FAM120B: variants seen among roughly 807,000 people sequenced by gnomAD.
FAM120B encodes the protein constitutive coactivator of peroxisome proliferator-activated receptor gamma.
A neutral mutation model predicts 96.3 loss-of-function variants in FAM120B; 83 were observed. The ratio of observed to expected loss-of-function variants is 0.86; its 90% CI spans 0.72 to 1.03. The LOEUF (loss-of-function observed/expected upper bound fraction) is 1.03, where lower values mean the gene tolerates loss of function less well. Among genes scored for constraint, FAM120B ranks in the 50% least tolerant of loss-of-function variants. The pLI is 0.00. For synonymous variants in FAM120B, 407 were observed against 402.7 expected, an observed-to-expected ratio of 1.01 and a Z score of -0.13; for missense variants, 1,027 against 1,121.2, an observed-to-expected ratio of 0.92 and a Z score of 1.20.
At chr6:170,304,534 A>G (rs1010858849), upstream of FAM120B, among the ~76,000 whole-genome samples, 2 of 151,600 alleles carry the variant, frequency 1.3e-5, no homozygotes, top group African/African-American at 4.8e-5. Context: ...TTCACATGTC[A>G]CATTTGTGTT....
chr6:170,348,276 A>G lies in FAM120B; in HGVS notation c.2143A>G (p.Ser715Gly), dbSNP rs777538703. The change falls in exon 5 of 11, where the codon AGC (serine) becomes GGC (glycine). Residue 715 changes from serine to glycine, a missense_variant. Physicochemically the swap from Ser to Gly is moderately conservative, Grantham distance 56 (BLOSUM62 0). Transcript: ENST00000476287. ...AAGAGAAGAGCTGCAGGCTGTCGAA[A>G]GCCCATTTCAAGCTTTGTGCTGCCT... ...SSREELQAVE[S>G]PFQALCCLLI... 7 of 1,613,840 alleles carry G rather than the reference A, an allele frequency of 4.3e-6. No homozygotes were observed. Among genetic ancestry groups the G allele is most frequent in the Middle Eastern group, 1.7e-4 (1 of 5,912 alleles).
In FAM120B at chr6:170,370,037, A is replaced by C. The variant is rs138274023; in HGVS notation, c.2283+11719A>C. 2.0e-5 allele frequency among the ~76,000 whole-genome samples: 3 copies of C among 152,340 alleles called. No individual in the cohort carries two copies. In the East Asian group the frequency reaches 5.8e-4, roughly 29 times the overall value. ...AGGATGTAATTTCAATTTTACAAAA[A>C]ATGTACCTTTTTTGAATATAGCAAT... On this transcript the variant is annotated intron_variant, in intron 6 of 10. Transcript: ENST00000476287. This position sits in a 1 kb window ranked among gnomAD's most constrained non-coding sequence, Gnocchi z 4.3.
In FAM120B at chr6:170,391,130, G is replaced by A. The variant is rs545152554; in HGVS notation, c.2599+9G>A. The A allele has an allele frequency of 5.1e-5, 82 of 1,599,490 alleles. No individual in the cohort carries two copies. Among genetic ancestry groups the A allele is most frequent in the Middle Eastern group, 5.0e-4 (3 of 6,026 alleles). On this transcript the variant is annotated intron_variant, in intron 8 of 10. Coordinates refer to ENST00000476287, the MANE Select transcript of FAM120B (RefSeq NM_032448.3). Reference sequence around the variant, plus strand: ...GGGCTCACACCACGCAGGTGGGAAAGGGCCAGGTGCCTCTAGAAGCCCCAC... The same window carrying A: ...GGGCTCACACCACGCAGGTGGGAAAAGGCCAGGTGCCTCTAGAAGCCCCAC...
At chr6:170,306,374 C>T (rs1204133851), upstream of FAM120B, among the ~76,000 whole-genome samples, 1 of 152,186 alleles carries the variant, frequency 6.6e-6, no homozygotes, top group Non-Finnish European at 1.5e-5. Flanking sequence ...GCTCGCACAA[C>T]TTCGGCCTGA....
At chr6:170,344,249 G>C (rs1187396300) in intron 4 of FAM120B, among the ~76,000 whole-genome samples, 1 of 94,910 alleles carries the variant, frequency 1.1e-5, no homozygotes, top group East Asian at 3.3e-4. Context: ...CCCCACCTTG[G>C]AAGAACGGAT....
At position 170,399,097 on chromosome 6, in the gene FAM120B, G is replaced by A. The variant is rs77022753; in HGVS notation, c.2692+3518G>A. ...GTCATAACTCTTAGGAGTGAGTGGG[G>A]AAGGTAGAACTATGTCATAACTCTT... is the stretch of plus-strand genomic sequence containing the variant. On this transcript the variant is annotated intron_variant, in intron 9 of 10. Transcript: ENST00000476287. Among the ~76,000 whole-genome samples, 262 of 132,292 alleles carry A rather than the reference G, an allele frequency of 2.0e-3. No individual in the cohort carries two copies. The East Asian group carries it at 0.075, about 38-fold the overall frequency. The allele number at this position is 132,292 out of a possible 152,430, so 86.8% of individuals were successfully genotyped here.
intron 4 of FAM120B, among the ~76,000 whole-genome samples, chr6:170,346,717 T>G (rs1356342622): frequency 6.8e-6 from 1 of 147,446 alleles, no homozygotes; most frequent in East Asian, 2.0e-4. Context: ...TTTACTTTGG[T>G]TTTTTTTTTT....
intron 9 of FAM120B, among the ~76,000 whole-genome samples, chr6:170,397,410 G>A (rs1334340320): frequency 6.6e-6 from 1 of 152,170 alleles, no homozygotes. Context: ...GATGCCAGAT[G>A]CCTGTGGGCC....
At chr6:170,349,979 A>C (rs1271407886) in intron 5 of FAM120B, among the ~76,000 whole-genome samples, 1 of 152,080 alleles carries the variant, frequency 6.6e-6, no homozygotes, top group Non-Finnish European at 1.5e-5. Context: ...CTGGGAAACC[A>C]TGCTTCTCCC....
In FAM120B at chr6:170,360,712, C is replaced by T. The variant is rs1562565951; in HGVS notation, c.2283+2394C>T. 2.0e-5 allele frequency among the ~76,000 whole-genome samples: 3 copies of T among 152,260 alleles called. No individual in the cohort carries two copies. In the South Asian group the frequency reaches 6.2e-4, roughly 32 times the overall value. Reference sequence around the variant, plus strand: ...CCTTCTGAGAATTGTGACTGGGCAGCTTGTGATCCCTGAGGTCACTTAGGA... The same window carrying T: ...CCTTCTGAGAATTGTGACTGGGCAGTTTGTGATCCCTGAGGTCACTTAGGA... On this transcript the variant is annotated intron_variant, in intron 6 of 10. Transcript: ENST00000476287.
chr6:170,348,203 G>C lies in FAM120B; in HGVS notation c.2070G>C (p.Gln690His), dbSNP rs1195962191. Residue 690 changes from glutamine (Q) to histidine (H), a missense_variant, in exon 5 of 11, where the codon CAG becomes CAC. By Grantham distance (24) the Gln-to-His change is conservative. This residue lies in a region of FAM120B where 880 missense variants were observed against 980.9 expected (regional missense o/e 0.90). Coordinates refer to ENST00000476287, the MANE Select transcript of FAM120B (RefSeq NM_032448.3). ...ILWLNQEPEIQVRRLDTLLAC... is the reference protein window; with the variant it reads ...ILWLNQEPEIHVRRLDTLLAC... ...GGCTGAACCAAGAGCCAGAAATACA[G>C]GTTCGGCGCTTGGACACACTCCTAG... 6.2e-7 allele frequency: 1 copy of C among 1,614,090 alleles called. No individual in the cohort carries two copies.
chr6:170,327,347 A>G (rs1030327590), intron 3 of FAM120B, among the ~76,000 whole-genome samples: 2 of 152,204 alleles, frequency 1.3e-5, no homozygotes, highest in Admixed American at 6.5e-5. Flanking sequence ...CGCCCGGCCA[A>G]CTTGAATTTT....
chr6:170,308,098 T>A (rs1784389988), intron 1 of FAM120B, among the ~76,000 whole-genome samples: 1 of 152,220 alleles, frequency 6.6e-6, no homozygotes. Flanking sequence ...CTTTGGACTT[T>A]GCTGTTAGGA....
At chr6:170,404,341 C>T (rs1035440549) in intron 9 of FAM120B, 19 of 515,524 alleles carry the variant, frequency 3.7e-5, no homozygotes, top group South Asian at 1.5e-4. Context: ...TTTCCTTCCA[C>T]GAACCTCTTA....
intron 9 of FAM120B, among the ~76,000 whole-genome samples, chr6:170,400,953 C>T (rs1416061128): frequency 6.6e-6 from 1 of 152,190 alleles, no homozygotes; most frequent in African/African-American, 2.4e-5. Context: ...ACGACAGAGA[C>T]TACAGGAGCA....
intron 6 of FAM120B, among the ~76,000 whole-genome samples, chr6:170,385,369 T>A (rs918011457): frequency 5.3e-5 from 8 of 151,892 alleles, no homozygotes; most frequent in African/African-American, 1.7e-4. Context: ...GAATATACTT[T>A]AAAAAAAAGG....
chr6:170,381,013 A>T (rs1459456202), intron 6 of FAM120B, among the ~76,000 whole-genome samples: 4 of 152,242 alleles, frequency 2.6e-5, no homozygotes, highest in Non-Finnish European at 4.4e-5. Flanking sequence ...TAGAAAAGCT[A>T]GCAAAACATT....
chr6:170,309,249 T>A (rs1784458275), intron 1 of FAM120B, among the ~76,000 whole-genome samples: 1 of 152,230 alleles, frequency 6.6e-6, no homozygotes, highest in South Asian at 2.1e-4. Flanking sequence ...ATTTAAAACA[T>A]GTTTAAAGTT....
At chr6:170,334,476 C>T (rs1786279860) in intron 4 of FAM120B, among the ~76,000 whole-genome samples, 1 of 152,010 alleles carries the variant, frequency 6.6e-6, no homozygotes, top group Non-Finnish European at 1.5e-5. Context: ...TTCATCTGAT[C>T]CTTGTTGCAA....
Sources: allele counts gnomAD v4.1 joint callset (sites outside exome capture counted in the v4.1 genomes callset), GRCh38; gene constraint gnomAD v4.1.1; regional missense constraint gnomAD v4.1.1; non-coding constraint Gnocchi (gnomAD v3.1); transcripts MANE v1.5; gene names NCBI Gene and HGNC (gene_info 2026-07-23, HGNC 2026-07-21).